ITPR1: variants seen among roughly 807,000 people sequenced by gnomAD.
ITPR1 encodes the protein inositol 1,4,5-trisphosphate-gated calcium channel ITPR1.
In ITPR1, 96 loss-of-function variants were observed where a neutral mutation model predicts 318.4. That is an observed-to-expected ratio of 0.30 (90% CI 0.26 to 0.36). The LOEUF is 0.36. Among genes scored for constraint, ITPR1 ranks in the 10% least tolerant of loss-of-function variants. The pLI is 1.00. For synonymous variants in ITPR1, 1,312 were observed against 1,289.9 expected (o/e 1.02, Z -0.37); for missense variants, 2,440 against 3,460.2 (o/e 0.71, Z 7.40).
Position 4,674,988 on chromosome 3 carries a change from T to C in ITPR1, c.2599-80T>C, listed in dbSNP as rs13082052. The C allele has an allele frequency of 0.12, 93,657 of 754,556 alleles. 6,966 individuals are homozygous for C. Among genetic ancestry groups the C allele is most frequent in the Middle Eastern group, 0.18 (601 of 3,326 alleles). The allele number at this position is 754,556 out of a possible 1,614,324, so 46.7% of individuals were successfully genotyped here. On this transcript the variant is annotated intron_variant, in intron 22 of 61. Transcript: ENST00000649015. ...AAGGAAGGTCCAAGTCTGTCATTTC[T>C]AAACTGGTCAACATCAAATGGAATT...
At chr3:4,660,855 G>A (rs1430296440) in intron 13 of ITPR1, 133 bp from the exon 14 acceptor site, 7 of 456,942 alleles carry the variant, frequency 1.5e-5, no homozygotes, top group Admixed American at 3.9e-5. Flanking sequence ...TTGCCCCTTC[G>A]TGTATACTGC....
chr3:4,576,660 G>A (rs990875366), intron 4 of ITPR1, among the ~76,000 whole-genome samples: 3 of 152,200 alleles, frequency 2.0e-5, no homozygotes, highest in Admixed American at 6.5e-5. Flanking sequence ...AATGGAGCCC[G>A]TTATCCGTGG....
chr3:4,643,813 T>A (rs564122940), intron 7 of ITPR1, among the ~76,000 whole-genome samples: 2 of 152,228 alleles, frequency 1.3e-5, no homozygotes, highest in East Asian at 3.9e-4. Flanking sequence ...TGTTTTTTCT[T>A]AAATTTAGTT....
At position 4,691,237 on chromosome 3, in the gene ITPR1, T is replaced by C; in HGVS notation, c.3922T>C (p.Cys1308Arg). Residue 1308 changes from cysteine (C) to arginine (R), a missense_variant, in exon 32 of 62, where the codon TGC becomes CGC. Cys to Arg is a radical substitution (Grantham distance 180). Around this residue, in one of 23 missense-constraint regions of ITPR1, gnomAD observed 222 missense variants for 318.8 expected, o/e 0.70. Transcript: ENST00000649015. The stretch of plus-strand genomic sequence containing the variant: ...GAGAGTTGTTCAGCACTTCGTTCAC[T>C]GCATAGAGACTCACGGTCGGAATGT... ...NERVVQHFVH[C>R]IETHGRNVQY... is the part of the protein sequence containing the mutation. 3 of 1,613,090 alleles carry C rather than the reference T, an allele frequency of 1.9e-6. No individual in the cohort carries two copies. Among genetic ancestry groups the C allele is most frequent in the African/African-American group, 1.3e-5 (1 of 75,044 alleles).
intron 46 of ITPR1, among the ~76,000 whole-genome samples, chr3:4,773,163 G>A (rs1195755502): frequency 6.6e-6 from 1 of 152,184 alleles, no homozygotes; most frequent in African/African-American, 2.4e-5. Flanking sequence ...CCATCTCACT[G>A]GAGTAGGGCT....
chr3:4,738,692 C>T (rs1185916339), intron 44 of ITPR1, among the ~76,000 whole-genome samples: 1 of 151,840 alleles, frequency 6.6e-6, no homozygotes, highest in Non-Finnish European at 1.5e-5. Context: ...CACACAGAAG[C>T]TGTTTTTCCT....
At chr3:4,727,438 GCTTT>G (rs1206790166) in intron 42 of ITPR1, among the ~76,000 whole-genome samples, 1 of 152,044 alleles carries the variant, frequency 6.6e-6, no homozygotes, top group Non-Finnish European at 1.5e-5. Flanking sequence ...TTCTGTGGTG[GCTTT>G]CTATTTAGGT....
chr3:4,753,780 C>T (rs1190486629), intron 44 of ITPR1, among the ~76,000 whole-genome samples: 3 of 152,078 alleles, frequency 2.0e-5, no homozygotes, highest in Admixed American at 6.5e-5. Context: ...TGGAGAGCAG[C>T]GAAGGGAACG....
chr3:4,527,059 G>A (rs900895742), intron 4 of ITPR1, among the ~76,000 whole-genome samples: 11 of 152,174 alleles, frequency 7.2e-5, no homozygotes, highest in South Asian at 2.1e-4. Context: ...AGACCAGAGC[G>A]CATCTATTTG....
intron 13 of ITPR1, among the ~76,000 whole-genome samples, chr3:4,658,747 A>AT (rs927068258): frequency 3.3e-5 from 5 of 152,022 alleles, no homozygotes; most frequent in Admixed American, 6.5e-5. Context: ...ATCTTTAGTT[A>AT]TTTTTTTAAA....
intron 44 of ITPR1, among the ~76,000 whole-genome samples, chr3:4,745,244 C>T (rs1409312633): frequency 2.0e-5 from 3 of 149,850 alleles, no homozygotes; most frequent in African/African-American, 4.9e-5. Flanking sequence ...TTTTAAAAGA[C>T]GTTTTCTTCC....
chr3:4,731,126 TTCTC>T (rs1222395085), intron 42 of ITPR1, among the ~76,000 whole-genome samples: 1 of 152,240 alleles, frequency 6.6e-6, no homozygotes, highest in Non-Finnish European at 1.5e-5. Context: ...AACCTTTTCT[TTCTC>T]TCAATTCTTT....
At chr3:4,653,312 T>C (rs1184579329) in intron 11 of ITPR1, among the ~76,000 whole-genome samples, 1 of 152,142 alleles carries the variant, frequency 6.6e-6, no homozygotes, top group Non-Finnish European at 1.5e-5. Flanking sequence ...CGGTGCCTAA[T>C]ACATGAAGTG....
chr3:4,563,808 C>G (rs1367047915), intron 4 of ITPR1, among the ~76,000 whole-genome samples: 1 of 152,136 alleles, frequency 6.6e-6, no homozygotes, highest in African/African-American at 2.4e-5. Context: ...GTTTATTAAA[C>G]AAAACTAATC....
At chr3:4,772,580 T>A (rs1038760935) in intron 46 of ITPR1, among the ~76,000 whole-genome samples, 7 of 152,208 alleles carry the variant, frequency 4.6e-5, no homozygotes, top group African/African-American at 1.7e-4. Context: ...TGAATGCAGG[T>A]CCTGATCTCT....
At chr3:4,502,254 A>T (rs1575323067) in intron 2 of ITPR1, among the ~76,000 whole-genome samples, 2 of 152,026 alleles carry the variant, frequency 1.3e-5, no homozygotes, top group Admixed American at 6.6e-5. Flanking sequence ...GAAGTTTTTT[A>T]TGATACTTGA....
At chr3:4,767,959 G>A (rs922849805) in intron 45 of ITPR1, among the ~76,000 whole-genome samples, 3 of 152,220 alleles carry the variant, frequency 2.0e-5, no homozygotes, top group Non-Finnish European at 4.4e-5. Context: ...CTAGGAGGCA[G>A]TGGAGCCAGC....
At chr3:4,558,720 C>T (rs2086381900) in intron 4 of ITPR1, among the ~76,000 whole-genome samples, 1 of 152,256 alleles carries the variant, frequency 6.6e-6, no homozygotes. Flanking sequence ...GGAAAAGGAG[C>T]TCCTGGTGCA....
At chr3:4,681,971 C>CTT (rs2094311764) in intron 26 of ITPR1, among the ~76,000 whole-genome samples, 1 of 152,120 alleles carries the variant, frequency 6.6e-6, no homozygotes, top group African/African-American at 2.4e-5. Flanking sequence ...TTATGGAACT[C>CTT]TTATACCTCC....
Sources: allele counts gnomAD v4.1 joint callset (sites outside exome capture counted in the v4.1 genomes callset), GRCh38; gene constraint gnomAD v4.1.1; regional missense constraint gnomAD v4.1.1; transcripts MANE v1.5; gene names NCBI Gene and HGNC (gene_info 2026-07-23, HGNC 2026-07-21).